BMPER: variants seen among roughly 807,000 people sequenced by gnomAD.
The protein encoded by BMPER is BMP-binding endothelial regulator protein.
BMPER carries 45 observed loss-of-function variants against 87.3 expected under a neutral mutation model. The ratio of observed to expected loss-of-function variants is 0.52; its 90% CI spans 0.41 to 0.66. BMPER has a LOEUF of 0.66. Ranked by LOEUF, BMPER falls within the 30% of genes least tolerant of loss-of-function variation. The pLI, the probability that BMPER is intolerant of heterozygous loss-of-function variation, is 0.00. For missense variants in BMPER, 784 were observed against 867.5 expected (o/e 0.90, Z 1.21); for synonymous variants, 326 against 316.2 (o/e 1.03, Z -0.33).
chr7:34,058,925 T>C (rs952368154), intron 10 of BMPER, among the ~76,000 whole-genome samples: 2 of 152,064 alleles, frequency 1.3e-5, no homozygotes, highest in Admixed American at 6.5e-5. Flanking sequence ...CATCTGTTAT[T>C]ATTATAAACA....
chr7:34,069,374 C>T (rs1788680648), intron 11 of BMPER, among the ~76,000 whole-genome samples: 1 of 152,180 alleles, frequency 6.6e-6, no homozygotes, highest in Admixed American at 6.5e-5. Context: ...ATAAAAGCAA[C>T]AAAAATTGCT....
chr7:34,007,461 A>C (rs1217568069), intron 6 of BMPER, among the ~76,000 whole-genome samples: 1 of 151,920 alleles, frequency 6.6e-6, no homozygotes, highest in Non-Finnish European at 1.5e-5. Context: ...CAATTGACAG[A>C]TTTTTCTGTA....
At chr7:34,016,269 A>G (rs1787024620) in intron 6 of BMPER, among the ~76,000 whole-genome samples, 1 of 151,962 alleles carries the variant, frequency 6.6e-6, no homozygotes, top group South Asian at 2.1e-4. Context: ...ATCCGTAGTA[A>G]CTAACTATAT....
At chr7:34,048,823 T>C (rs1472690567) in intron 7 of BMPER, among the ~76,000 whole-genome samples, 5 of 152,190 alleles carry the variant, frequency 3.3e-5, no homozygotes, top group Admixed American at 1.3e-4. Flanking sequence ...CATGGAAATG[T>C]CTTAAGTCAG....
intron 3 of BMPER, among the ~76,000 whole-genome samples, chr7:33,964,077 G>A (rs575474528): frequency 5.9e-5 from 9 of 152,074 alleles, no homozygotes; most frequent in Non-Finnish European, 1.3e-4. Context: ...TACATATAAG[G>A]TTTTCTTTGA....
rs1225745774 is a variant in BMPER at position 34,140,401 on chromosome 7, C to A, written c.1746-2829C>A. Among the ~76,000 whole-genome samples, 4 of 151,240 alleles carry A rather than the reference C, an allele frequency of 2.6e-5. No individual in the cohort carries two copies. The East Asian group carries it at 7.7e-4, about 29-fold the overall frequency. ...GAATTTTAACTTCCGAGACAAAACA[C>A]ATATTTCAAGCCTATAAAAATACAT... On this transcript the variant is annotated intron_variant, in intron 13 of 14. Coordinates refer to ENST00000649409, the MANE Select transcript of BMPER (RefSeq NM_001365308.1).
intron 13 of BMPER, among the ~76,000 whole-genome samples, chr7:34,130,640 C>G (rs1044975857): frequency 2.6e-5 from 4 of 152,210 alleles, no homozygotes; most frequent in Non-Finnish European, 4.4e-5. Context: ...CACCTGCCAG[C>G]CCTGGGGCAT....
chr7:34,005,464 T>C (rs1280098659), intron 6 of BMPER, among the ~76,000 whole-genome samples: 2 of 152,124 alleles, frequency 1.3e-5, no homozygotes, highest in South Asian at 2.1e-4. Context: ...TTTTTATTTT[T>C]AGAGATGATG....
At chr7:34,122,599 T>C (rs1790290715) in intron 13 of BMPER, among the ~76,000 whole-genome samples, 2 of 152,168 alleles carry the variant, frequency 1.3e-5, no homozygotes, top group Admixed American at 6.5e-5. Flanking sequence ...TGTAGACTCC[T>C]TTTGTTGGAG....
chr7:34,033,327 G>A lies in BMPER; in HGVS notation c.577-12979G>A, dbSNP rs562872725. On this transcript the variant is annotated intron_variant, in intron 6 of 14. Transcript: ENST00000649409. ...TCAAAAATATGTTCAGCCACTCGGA[G>A]CTAGCAATGTTCTGATCATGAGTTG... is the stretch of plus-strand genomic sequence containing the variant. Among the ~76,000 whole-genome samples the A allele has an allele frequency of 6.8e-4, 104 of 152,282 alleles. 1 individual carries two copies. The highest frequency in any genetic ancestry group is 1.8e-4 in the Non-Finnish European group (12 of 68,020).
intron 6 of BMPER, among the ~76,000 whole-genome samples, chr7:33,979,468 C>T (rs142374735): frequency 7.2e-5 from 11 of 152,120 alleles, no homozygotes; most frequent in African/African-American, 2.6e-4. Context: ...CCTCCCTCCT[C>T]CTCTGTGCTT....
intron 3 of BMPER, among the ~76,000 whole-genome samples, chr7:33,950,054 C>T (rs1245761313): frequency 2.6e-5 from 4 of 152,142 alleles, no homozygotes; most frequent in Non-Finnish European, 5.9e-5. Flanking sequence ...CCCATTTATT[C>T]CTGGGCTTTG....
At chr7:33,946,374 C>A (rs1391975393) in intron 3 of BMPER, among the ~76,000 whole-genome samples, 2 of 152,062 alleles carry the variant, frequency 1.3e-5, no homozygotes, top group Non-Finnish European at 2.9e-5. Flanking sequence ...AGCTAGCAGG[C>A]AAGGAATCAG....
At chr7:34,100,951 C>T (rs1235883892) in intron 13 of BMPER, among the ~76,000 whole-genome samples, 1 of 152,194 alleles carries the variant, frequency 6.6e-6, no homozygotes, top group Non-Finnish European at 1.5e-5. Context: ...ATTCAAATCG[C>T]CACTCTTGGA....
At chr7:34,039,642 A>T (rs952289333) in intron 6 of BMPER, among the ~76,000 whole-genome samples, 3 of 148,738 alleles carry the variant, frequency 2.0e-5, no homozygotes, top group African/African-American at 7.5e-5. Flanking sequence ...ACACACACAC[A>T]CTTATACCAC....
intron 6 of BMPER, among the ~76,000 whole-genome samples, chr7:33,994,339 C>G (rs1043477893): frequency 6.6e-6 from 1 of 152,222 alleles, no homozygotes; most frequent in African/African-American, 2.4e-5. Flanking sequence ...GTTTTTTAAG[C>G]CCGTCGGAAA....
intron 12 of BMPER, among the ~76,000 whole-genome samples, chr7:34,084,325 C>T (rs1378233705): frequency 6.6e-6 from 1 of 152,114 alleles, no homozygotes; most frequent in African/African-American, 2.4e-5. Context: ...AACACATGGC[C>T]ACACGGGGTA....
intron 11 of BMPER, among the ~76,000 whole-genome samples, chr7:34,071,003 T>G (rs1230734022): frequency 6.6e-6 from 1 of 152,148 alleles, no homozygotes; most frequent in Non-Finnish European, 1.5e-5. Context: ...GAAGCAGCTC[T>G]GCACTCTGGT....
At chr7:34,105,794 C>T (rs1288969330) in intron 13 of BMPER, among the ~76,000 whole-genome samples, 3 of 152,158 alleles carry the variant, frequency 2.0e-5, no homozygotes, top group Non-Finnish European at 4.4e-5. Flanking sequence ...CTAACATGGC[C>T]CATGAGTTGG....
Sources: gnomAD v4.1 joint callset for allele counts (sites outside exome capture counted in the v4.1 genomes callset) on GRCh38, gnomAD v4.1.1 for gene constraint, MANE v1.5 for transcripts, NCBI Gene and HGNC (gene_info 2026-07-23, HGNC 2026-07-21) for gene names.